Variants in FABP4 observed in about 807,000 individuals in gnomAD.
FABP4 encodes the protein fatty acid-binding protein, adipocyte.
Under a neutral mutation model 14.6 loss-of-function variants are expected in FABP4, and 17 were observed. The ratio of observed to expected loss-of-function variants is 1.16; its 90% confidence interval spans 0.80 to 1.74. The LOEUF is 1.74. Ranked by LOEUF, FABP4 falls within the 40% of genes most tolerant of loss-of-function variation. FABP4 has a pLI of 0.00. For missense variants in FABP4, 149 were observed against 160.3 expected (o/e 0.93, Z 0.38); for synonymous variants, 54 against 54.6 (o/e 0.99, Z 0.05).
At chr8:81,481,308 T>A (rs111656301) in intron 1 of FABP4, among the ~76,000 whole-genome samples, 1,529 of 152,322 alleles carry the variant, frequency 0.01, 26 homozygotes, top group African/African-American at 0.034. Context: ...TAAAAGGGAC[T>A]AGTCATCAAA....
intron 2 of FABP4, chr8:81,479,935 T>A: frequency 6.2e-6 from 1 of 160,496 alleles, no homozygotes; most frequent in Non-Finnish European, 1.4e-5. Flanking sequence ...AGGCCAGGTG[T>A]GGTGGCTCAC....
rs1205530736 is a variant in FABP4 at position 81,478,855 on chromosome 8, G to C, written c.*10C>G. ...AATGCGAACTTCAGTCCAGGTCAAC[G>C]TCCCTTGGCTTATGCTCTCTCATAA... On this transcript the variant is annotated 3_prime_UTR_variant, in exon 4 of 4. Transcript: ENST00000256104. The C allele has an allele frequency of 6.2e-7, 1 of 1,611,852 alleles. No individual in the cohort carries two copies. Among genetic ancestry groups the C allele is most frequent in the Non-Finnish European group, 8.5e-7 (1 of 1,178,480 alleles).
In FABP4 at chr8:81,478,773, C is replaced by A; in HGVS notation, c.*92G>T. 8.4e-7 allele frequency: 1 copy of A among 1,195,498 alleles called. No homozygotes were observed. Among genetic ancestry groups the A allele is most frequent in the Non-Finnish European group, 1.2e-6 (1 of 842,254 alleles). The allele number at this position is 1,195,498 out of a possible 1,614,324, so 74.1% of individuals were successfully genotyped here. The stretch of plus-strand genomic sequence containing the variant: ...GGAGAAAATTAGTTGCTTGCTAAAT[C>A]ATGGAAAACAACAATATCTTTTTGA... On this transcript the variant is annotated 3_prime_UTR_variant, in exon 4 of 4. Transcript: ENST00000256104.
In FABP4 at chr8:81,479,487, A is replaced by C; in HGVS notation, c.275T>G (p.Leu92Arg). 6.2e-6 allele frequency: 10 copies of C among 1,613,368 alleles called. No individual in the cohort carries two copies. The highest frequency in any genetic ancestry group is 8.5e-6 in the Non-Finnish European group (10 of 1,179,446). Reference sequence around the variant, plus strand: ...TCCATCCCATTTCTGCACATGTACCAGGACACCCCCATCTAAGGTTATGGT... The same window carrying C: ...TCCATCCCATTTCTGCACATGTACCCGGACACCCCCATCTAAGGTTATGGT... ...KSTITLDGGV[L>R]VHVQKWDGKS... The change falls in exon 3 of 4, where the codon CTG becomes CGG. Residue 92 changes from leucine (L) to arginine (R), a missense_variant. By Grantham distance (102) the Leu-to-Arg change is moderately radical (BLOSUM62 -2). Transcript: ENST00000256104.
chr8:81,478,668 T>A lies in FABP4; in HGVS notation c.*197A>T. 2.1e-6 allele frequency: 1 copy of A among 471,248 alleles called. No homozygotes were observed. The highest frequency in any genetic ancestry group is 3.8e-6 in the Non-Finnish European group (1 of 263,212). 29.2% of individuals were successfully genotyped at this position (471,248 alleles called of 1,614,324 possible). A position where few individuals can be genotyped will look rare whatever the true frequency, so the allele number is the denominator to read the frequency against. On this transcript the variant is annotated 3_prime_UTR_variant, in exon 4 of 4. Transcript: ENST00000256104. ...GACTAAGAATACATCATAAGCACAATGAATACATCATTACATCACCTTCTA... is the reference window on the plus strand; with the variant it reads ...GACTAAGAATACATCATAAGCACAAAGAATACATCATTACATCACCTTCTA...
Position 81,483,191 on chromosome 8 carries a change from C to A in FABP4, c.-24G>T, listed in dbSNP as rs1316719088. ...ATTTTGTGAGTTTTCTAGGATTATTCTTCAAGGTGAGAAGGAAGCTGCAGT... is the reference window on the plus strand; with the variant it reads ...ATTTTGTGAGTTTTCTAGGATTATTATTCAAGGTGAGAAGGAAGCTGCAGT... On this transcript the variant is annotated 5_prime_UTR_variant, in exon 1 of 4. Transcript: ENST00000256104. 3 of 1,596,372 alleles carry A rather than the reference C, an allele frequency of 1.9e-6. No individual in the cohort carries two copies. The highest frequency in any genetic ancestry group is 1.7e-4 in the Middle Eastern group (1 of 6,020).
chr8:81,480,628 T>G (rs1808064520), intron 1 of FABP4, 30 bp from the exon 2 acceptor site: 1 of 1,587,990 alleles, frequency 6.3e-7, no homozygotes, highest in African/African-American at 1.4e-5. Flanking sequence ...AGATGTCAGA[T>G]TTACATTTTC....
chr8:81,480,436 C>T lies in FABP4; in HGVS notation c.236G>A (p.Arg79Lys), dbSNP rs748793227. 6 of 1,613,210 alleles carry T rather than the reference C, an allele frequency of 3.7e-6. No homozygotes were observed. In the Admixed American group the frequency reaches 8.3e-5, roughly 22 times the overall value. Reference protein sequence around the residue: ...QEFDEVTADDRKVKSTITLDG... With the variant: ...QEFDEVTADDKKVKSTITLDG... ...TTCCTTATTTCTCACCTTGACTTTC[C>T]TGTCATCTGCAGTGACTTCGTCAAA... The change falls in exon 2 of 4, where the codon AGG becomes AAG. Residue 79 changes from arginine to lysine, a missense_variant. Arg to Lys is a conservative substitution (Grantham distance 26). Coordinates refer to ENST00000256104, the MANE Select transcript of FABP4 (RefSeq NM_001442.3).
rs1808032700 is a variant in FABP4, at chr8:81,479,481, T to G, written c.281A>C (p.His94Pro). Reference protein sequence around the residue: ...TITLDGGVLVHVQKWDGKSTT... With the variant: ...TITLDGGVLVPVQKWDGKSTT... ...TGATTTTCCATCCCATTTCTGCACATGTACCAGGACACCCCCATCTAAGGT... is the reference window on the plus strand; with the variant it reads ...TGATTTTCCATCCCATTTCTGCACAGGTACCAGGACACCCCCATCTAAGGT... The change falls in exon 3 of 4, where the codon CAT (histidine) becomes CCT (proline). Residue 94 changes from histidine (H) to proline (P), a missense_variant. Coordinates refer to ENST00000256104, the MANE Select transcript of FABP4 (RefSeq NM_001442.3). The G allele has an allele frequency of 6.2e-7, 1 of 1,613,376 alleles. No individual in the cohort carries two copies. The highest frequency in any genetic ancestry group is 8.5e-7 in the Non-Finnish European group (1 of 1,179,472).
intron 3 of FABP4, 69 bp downstream of exon 3, chr8:81,479,345 T>C: frequency 8.3e-7 from 1 of 1,206,940 alleles, no homozygotes; most frequent in Non-Finnish European, 1.2e-6. Context: ...TCTGTTTCCT[T>C]AAGTGGAATA....
rs979113075 is a variant in FABP4 at position 81,483,082 on chromosome 8, C to T, written c.73+13G>A. On this transcript the variant is annotated intron_variant, in intron 1 of 3. Transcript: ENST00000256104. ...TATTATAAATCCAGTCATTCCACAACGCATTTCCTTACCTACTTCTTTCAT... is the reference window on the plus strand; with the variant it reads ...TATTATAAATCCAGTCATTCCACAATGCATTTCCTTACCTACTTCTTTCAT... The T allele has an allele frequency of 6.3e-6, 10 of 1,594,232 alleles. No individual in the cohort carries two copies. The highest frequency in any genetic ancestry group is 5.1e-5 in the Admixed American group (3 of 59,080).
Position 81,478,901 on chromosome 8 carries a change from T to C in FABP4, c.363A>G (p.Lys121=). 1 of 1,613,240 alleles carries C rather than the reference T, an allele frequency of 6.2e-7. No homozygotes were observed. The highest frequency in any genetic ancestry group is 8.5e-7 in the Non-Finnish European group (1 of 1,179,384). ...DDKLVVECVM[K]GVTSTRVYER... is the part of the protein sequence containing the mutation. ...CATAAACTCTCGTGGAAGTGACGCC[T>C]TTCATGACGCATTCCTAGACACAAA... The change falls in exon 4 of 4, where the codon AAA becomes AAG. Residue 121 remains lysine, a synonymous_variant. Transcript: ENST00000256104.
intron 3 of FABP4, among the ~76,000 whole-genome samples, 177 bp from the exon 4 acceptor site, chr8:81,479,092 C>T (rs989906411): frequency 6.6e-6 from 1 of 152,020 alleles, no homozygotes; most frequent in African/African-American, 2.4e-5. Flanking sequence ...CAGGAAAATA[C>T]AAGTTTTCCC....
intron 1 of FABP4, among the ~76,000 whole-genome samples, chr8:81,482,166 A>T (rs922484605): frequency 6.6e-6 from 1 of 152,096 alleles, no homozygotes; most frequent in African/African-American, 2.4e-5. Context: ...CAAGCAAAAA[A>T]ATATATACTG....
At chr8:81,480,698 GA>G in intron 1 of FABP4, 100 bp from the exon 2 acceptor site, 9 of 1,051,048 alleles carry the variant, frequency 8.6e-6, no homozygotes, top group South Asian at 4.9e-5. Context: ...TGTGCAGGAG[GA>G]AAAAGGCACA....
chr8:81,478,991 G>T, intron 3 of FABP4, 76 bp from the exon 4 acceptor site: 2 of 1,233,068 alleles, frequency 1.6e-6, no homozygotes, highest in Non-Finnish European at 2.4e-6. Context: ...TGAATGTTGG[G>T]AATAAAACAA....
At position 81,482,193 on chromosome 8, in the gene FABP4, G is replaced by T. The variant is rs548590573; in HGVS notation, c.73+902C>A. On this transcript the variant is annotated intron_variant, in intron 1 of 3. Transcript: ENST00000256104. ...TATATACTGTATAATTTACAGGAGG[G>T]TTAAGTGTTTTGCGATTTAATGATT... is the stretch of plus-strand genomic sequence containing the variant. Among the ~76,000 whole-genome samples, 109 of 152,232 alleles carry T rather than the reference G, an allele frequency of 7.2e-4. 2 individuals are homozygous for T. In the South Asian group the frequency reaches 0.021, roughly 30 times the overall value.
At position 81,478,887 on chromosome 8, in the gene FABP4, G is replaced by A. The variant is rs1470977675; in HGVS notation, c.377C>T (p.Thr126Met). 9.9e-6 allele frequency: 16 copies of A among 1,612,940 alleles called. No homozygotes were observed. Among genetic ancestry groups the A allele is most frequent in the African/African-American group, 4.0e-5 (3 of 74,850 alleles). Residue 126 changes from threonine (T) to methionine (M), a missense_variant, in exon 4 of 4, where the codon ACG becomes ATG. Transcript: ENST00000256104. ...GGCTTATGCTCTCTCATAAACTCTC[G>A]TGGAAGTGACGCCTTTCATGACGCA... ...VECVMKGVTS[T>M]RVYERA
Position 81,478,578 on chromosome 8 carries a change from A to G in FABP4, c.*287T>C, listed in dbSNP as rs1808005977. ...CCTTTTTACCTTGAATTATTATGAA[A>G]TATGTTATTATTCATATCAGAACAA... On this transcript the variant is annotated 3_prime_UTR_variant, in exon 4 of 4. Transcript: ENST00000256104. The G allele has an allele frequency of 3.6e-6, 1 of 279,026 alleles. No homozygotes were observed. The highest frequency in any genetic ancestry group is 1.1e-4 in the South Asian group (1 of 8,928). The allele number at this position is 279,026 out of a possible 1,614,324, so 17.3% of individuals were successfully genotyped here.
Sources: allele counts gnomAD v4.1 joint callset (sites outside exome capture counted in the v4.1 genomes callset), GRCh38; gene constraint gnomAD v4.1.1; transcripts MANE v1.5; gene names NCBI Gene and HGNC (gene_info 2026-07-23, HGNC 2026-07-21).